The following FGFR2 variants were observed in gnomAD, a reference collection of about 807,000 sequenced individuals.
FGFR2 encodes the protein BEK fibroblast growth factor receptor.
FGFR2 carries 19 observed loss-of-function variants against 95.9 expected under a neutral mutation model. The observed-to-expected ratio is 0.20, with a 90% CI of 0.14 to 0.29. The LOEUF is 0.29. Ranked by LOEUF, FGFR2 falls within the 10% of genes least tolerant of loss-of-function variation. FGFR2 has a pLI of 1.00. For missense variants in FGFR2, 707 were observed against 1,056.9 expected, an observed-to-expected ratio of 0.67 and a Z score of 4.59; for synonymous variants, 392 against 393.3, an observed-to-expected ratio of 1.00 and a Z score of 0.04.
intron 4 of FGFR2, chr10:121,564,237 G>T (rs1857354710): frequency 1.9e-6 from 1 of 525,068 alleles, no homozygotes; most frequent in Admixed American, 3.2e-5. Flanking sequence ...AAAGGGAAAA[G>T]GGAAAATCAA....
chr10:121,597,452 C>T (rs988894649), intron 1 of FGFR2, among the ~76,000 whole-genome samples: 1 of 152,240 alleles, frequency 6.6e-6, no homozygotes, highest in African/African-American at 2.4e-5. Context: ...GCAGTGCCAC[C>T]CCTGGCCATC....
intron 8 of FGFR2, among the ~76,000 whole-genome samples, chr10:121,516,431 ACAGC>A (rs974582373): frequency 6.6e-6 from 1 of 152,246 alleles, no homozygotes; most frequent in African/African-American, 2.4e-5. Context: ...CTCAGCAGCA[ACAGC>A]ACAAAAATGA....
At chr10:121,548,245 CTTTTTTTTTTTTTTTTT>C (rs57061338) in intron 5 of FGFR2, among the ~76,000 whole-genome samples, 44 of 46,706 alleles carry the variant, frequency 9.4e-4, no homozygotes, top group Admixed American at 3.7e-3. Context: ...CGCTTTTGGC[CTTTTTTTTTTTTTTTTT>C]TTTTTTTTTT....
At chr10:121,571,873 C>T (rs1564714328) in intron 2 of FGFR2, among the ~76,000 whole-genome samples, 1 of 151,428 alleles carries the variant, frequency 6.6e-6, no homozygotes, top group African/African-American at 2.4e-5. Flanking sequence ...AACCCAGAAG[C>T]TGGAGGTTGT....
In FGFR2 at chr10:121,480,003, G is replaced by T. The variant is rs2133685450; in HGVS notation, c.2320C>A (p.Gln774Lys). 1 of 1,614,150 alleles carries T rather than the reference G, an allele frequency of 6.2e-7. No individual in the cohort carries two copies. The highest frequency in any genetic ancestry group is 8.5e-7 in the Non-Finnish European group (1 of 1,180,010). ...CTAGGTGAATACTGTTCGAGAGGTT[G>T]GCTGAGGTCCAAGTATTCCTGAAAG... is the stretch of plus-strand genomic sequence containing the variant. ...TTNEEYLDLS[Q>K]PLEQYSPSYP... Residue 774 changes from glutamine (Q) to lysine (K), a missense_variant, in exon 18 of 18, where the codon CAA becomes AAA. Physicochemically the swap from Gln to Lys is moderately conservative, Grantham distance 53. Coordinates refer to ENST00000358487, the MANE Select transcript of FGFR2 (RefSeq NM_000141.5).
chr10:121,563,336 T>C (rs1245679176), intron 4 of FGFR2, among the ~76,000 whole-genome samples: 1 of 152,160 alleles, frequency 6.6e-6, no homozygotes, highest in Non-Finnish European at 1.5e-5. Flanking sequence ...ATGGCGCCAC[T>C]GCACTCCAGC....
At chr10:121,497,198 AAT>A (rs1401015933) in intron 12 of FGFR2, among the ~76,000 whole-genome samples, 2 of 152,006 alleles carry the variant, frequency 1.3e-5, no homozygotes, top group Non-Finnish European at 2.9e-5. Flanking sequence ...CACACATAAA[AAT>A]ATGATTATAA....
intron 5 of FGFR2, among the ~76,000 whole-genome samples, chr10:121,542,068 C>T (rs994796815): frequency 4.0e-5 from 6 of 151,860 alleles, no homozygotes; most frequent in Admixed American, 2.0e-4. Flanking sequence ...ATTCAAACAG[C>T]GTAGTCTATA....
intron 5 of FGFR2, among the ~76,000 whole-genome samples, chr10:121,541,572 A>G (rs1287263208): frequency 6.6e-6 from 1 of 152,232 alleles, no homozygotes. Context: ...TCAGTGCTAC[A>G]ATTCTTTTGC....
Position 121,485,456 on chromosome 10 carries a change from G to A in FGFR2, c.2134C>T (p.Leu712Phe). ...SPYPGIPVEE[L>F]FKLLKEGHRM... ...TGTCCTTCCTTCAGCAGCTTAAAAAGTTCCTCCACGGGAATCCCTGGGTAG... is the reference window on the plus strand; with the variant it reads ...TGTCCTTCCTTCAGCAGCTTAAAAAATTCCTCCACGGGAATCCCTGGGTAG... Residue 712 changes from leucine to phenylalanine, a missense_variant, in exon 16 of 18, where the codon CTT (leucine) becomes TTT (phenylalanine). Leu to Phe is a conservative substitution (Grantham distance 22, BLOSUM62 0). Around this residue, in one of 7 missense-constraint regions of FGFR2, gnomAD observed 104 missense variants for 214.2 expected, o/e 0.49. Coordinates refer to ENST00000358487, the MANE Select transcript of FGFR2 (RefSeq NM_000141.5). The surrounding 1 kb of genome is among the most constrained non-coding windows in gnomAD (Gnocchi z 4.2). 1 of 1,614,104 alleles carries A rather than the reference G, an allele frequency of 6.2e-7. No individual in the cohort carries two copies. Among genetic ancestry groups the A allele is most frequent in the Non-Finnish European group, 8.5e-7 (1 of 1,180,010 alleles).
intron 6 of FGFR2, among the ~76,000 whole-genome samples, chr10:121,522,506 C>T (rs1419991325): frequency 6.6e-6 from 1 of 151,892 alleles, no homozygotes; most frequent in Non-Finnish European, 1.5e-5. Flanking sequence ...CAGTGAGCCA[C>T]GATCATGCCA....
intron 13 of FGFR2, among the ~76,000 whole-genome samples, chr10:121,496,038 C>T (rs1846755004): frequency 6.6e-6 from 1 of 152,198 alleles, no homozygotes; most frequent in Non-Finnish European, 1.5e-5. Flanking sequence ...GCAAAATAAA[C>T]GCAGAGCTCC....
chr10:121,479,674 G>A lies in FGFR2; in HGVS notation c.*183C>T, dbSNP rs549203570. The A allele has an allele frequency of 6.4e-7, 1 of 1,555,670 alleles. No individual in the cohort carries two copies. The highest frequency in any genetic ancestry group is 1.4e-5 in the African/African-American group (1 of 73,344). On this transcript the variant is annotated 3_prime_UTR_variant, in exon 18 of 18. Transcript: ENST00000358487. The stretch of plus-strand genomic sequence containing the variant: ...CTCCAGAAACCTTCTTCTCCTCCTG[G>A]GGAAGATTACAAGTTTTCAACTGTA...
At chr10:121,586,655 C>T (rs1407739730) in intron 2 of FGFR2, among the ~76,000 whole-genome samples, 3 of 152,200 alleles carry the variant, frequency 2.0e-5, no homozygotes, top group Non-Finnish European at 2.9e-5. Flanking sequence ...ATCTAAAGCA[C>T]GCCTATTTTA....
chr10:121,559,358 C>T (rs925723470), intron 4 of FGFR2, among the ~76,000 whole-genome samples: 3 of 152,252 alleles, frequency 2.0e-5, no homozygotes, highest in African/African-American at 7.2e-5. Context: ...GCATTTGACA[C>T]TTGAGGTGGC....
At chr10:121,595,569 C>T (rs1386644814) in intron 1 of FGFR2, among the ~76,000 whole-genome samples, 1 of 152,220 alleles carries the variant, frequency 6.6e-6, no homozygotes, top group Non-Finnish European at 1.5e-5. Flanking sequence ...ACTTTTCTTT[C>T]CTCTTAGTCA....
At chr10:121,546,571 A>G (rs1315936109) in intron 5 of FGFR2, among the ~76,000 whole-genome samples, 1 of 152,236 alleles carries the variant, frequency 6.6e-6, no homozygotes, top group Admixed American at 6.5e-5. Context: ...GCCGAATTCC[A>G]AATAGTTCTA....
At chr10:121,562,285 T>G (rs982284664) in intron 4 of FGFR2, among the ~76,000 whole-genome samples, 3 of 141,332 alleles carry the variant, frequency 2.1e-5, no homozygotes, top group Non-Finnish European at 4.6e-5. Flanking sequence ...ACAGAGTTTG[T>G]TTTTTTTTTT....
chr10:121,535,945 C>T (rs551815122), intron 6 of FGFR2, among the ~76,000 whole-genome samples: 2 of 152,276 alleles, frequency 1.3e-5, no homozygotes, highest in South Asian at 4.1e-4. Flanking sequence ...AATATCTGAA[C>T]CACAATCTAT....
Sources: allele counts gnomAD v4.1 joint callset (sites outside exome capture counted in the v4.1 genomes callset), GRCh38; gene constraint gnomAD v4.1.1; regional missense constraint gnomAD v4.1.1; non-coding constraint Gnocchi (gnomAD v3.1); transcripts MANE v1.5; gene names NCBI Gene and HGNC (gene_info 2026-07-23, HGNC 2026-07-21).